The following ALDH1A3 variants were observed in gnomAD, a reference collection of about 807,000 sequenced individuals.
ALDH1A3 encodes aldehyde dehydrogenase 1 family member A3, also known as retinaldehyde dehydrogenase 3.
In ALDH1A3, 28 loss-of-function variants were observed where a neutral mutation model predicts 57.5. The observed-to-expected ratio is 0.49, with a 90% confidence interval of 0.36 to 0.67. The LOEUF is 0.67. Among genes scored for constraint, ALDH1A3 ranks in the 30% least tolerant of loss-of-function variants. The probability of loss-of-function intolerance (pLI) is 0.00; values close to 1 mark genes in which losing one functional copy is unlikely to be tolerated. For missense variants in ALDH1A3, 507 were observed against 669.4 expected (o/e 0.76, Z 2.68); for synonymous variants, 281 against 264.8 (o/e 1.06, Z -0.59).
Position 100,893,813 on chromosome 15 carries a change from C to T in ALDH1A3, c.538-141C>T. ...TGCTGTGCAGGATTGCAGTTCTGAT[C>T]ATTGCACACTCCTATGTTACCCCAC... On this transcript the variant is annotated intron_variant, in intron 5 of 12. Transcript: ENST00000329841. The surrounding 1 kb of genome is among the most constrained non-coding windows in gnomAD (Gnocchi z 4.8). 1.7e-6 allele frequency: 2 copies of T among 1,147,398 alleles called. No individual in the cohort carries two copies. The highest frequency in any genetic ancestry group is 4.8e-5 in the East Asian group (2 of 41,700). The allele number at this position is 1,147,398 out of a possible 1,614,324, so 71.1% of individuals were successfully genotyped here. A position where few individuals can be genotyped will look rare whatever the true frequency, so the allele number is the denominator to read the frequency against.
At chr15:100,896,574 A>T (rs2041706118) in intron 7 of ALDH1A3, among the ~76,000 whole-genome samples, 1 of 152,210 alleles carries the variant, frequency 6.6e-6, no homozygotes, top group African/African-American at 2.4e-5. Flanking sequence ...TAAGAACTGA[A>T]ATGATACTGC....
intron 9 of ALDH1A3, among the ~76,000 whole-genome samples, chr15:100,902,622 G>A (rs562014711): frequency 3.9e-5 from 6 of 152,338 alleles, no homozygotes; most frequent in African/African-American, 9.6e-5. Context: ...AGCGTCCTCC[G>A]GGCAGAGAGC....
At position 100,907,296 on chromosome 15, in the gene ALDH1A3, G is replaced by T; in HGVS notation, c.1391+18G>T. 1.2e-6 allele frequency: 2 copies of T among 1,608,074 alleles called. No homozygotes were observed. Among genetic ancestry groups the T allele is most frequent in the Non-Finnish European group, 1.7e-6 (2 of 1,177,636 alleles). On this transcript the variant is annotated intron_variant, in intron 11 of 12. Coordinates refer to ENST00000329841, the MANE Select transcript of ALDH1A3 (RefSeq NM_000693.4). ...ACGGTCTGGTGAGTTGACTGTGTGTGTATTTCAGCTCTCCTGAGTTGCTTC... is the reference window on the plus strand; with the variant it reads ...ACGGTCTGGTGAGTTGACTGTGTGTTTATTTCAGCTCTCCTGAGTTGCTTC...
chr15:100,912,280 C>A (rs1419434269), intron 12 of ALDH1A3, among the ~76,000 whole-genome samples: 1 of 152,208 alleles, frequency 6.6e-6, no homozygotes, highest in African/African-American at 2.4e-5. Flanking sequence ...GGTTACATTT[C>A]TTTAATCATG....
At chr15:100,899,992 A>G (rs75776746) in intron 8 of ALDH1A3, among the ~76,000 whole-genome samples, 195 of 152,308 alleles carry the variant, frequency 1.3e-3, no homozygotes, top group African/African-American at 4.4e-3. Flanking sequence ...TCCCAATACC[A>G]TTCTTATCCA....
At chr15:100,892,220 T>G (rs1212366607) in intron 3 of ALDH1A3, 1 of 370,230 alleles carries the variant, frequency 2.7e-6, no homozygotes, top group Non-Finnish European at 4.9e-6. Flanking sequence ...AGCACAGCTT[T>G]AAATCCGCCT....
intron 12 of ALDH1A3, chr15:100,913,599 A>G (rs546452878): frequency 6.6e-6 from 1 of 152,340 alleles, no homozygotes; most frequent in Non-Finnish European, 1.5e-5. Flanking sequence ...AAGTCAATTG[A>G]TTAGTAACTT....
rs2041681715 is a variant in ALDH1A3, at chr15:100,894,627, C to T, written c.666+545C>T. ...CCAGACATACCTTTAGTCATTCCAT[C>T]CCCAGGTTGTATGGAGCAAAGATTT... On this transcript the variant is annotated intron_variant, in intron 6 of 12. Coordinates refer to ENST00000329841, the MANE Select transcript of ALDH1A3 (RefSeq NM_000693.4). The surrounding 1 kb of genome is among the most constrained non-coding windows in gnomAD (Gnocchi z 4.5). 6.5e-6 allele frequency: 1 copy of T among 153,552 alleles called. No homozygotes were observed. The highest frequency in any genetic ancestry group is 2.4e-5 in the African/African-American group (1 of 41,432). 9.5% of individuals were successfully genotyped at this position (153,552 alleles called of 1,614,324 possible).
In ALDH1A3 at chr15:100,887,610, C is replaced by T; in HGVS notation, c.243C>T (p.Ala81=). 1 of 1,611,182 alleles carries T rather than the reference C, an allele frequency of 6.2e-7. No individual in the cohort carries two copies. Among genetic ancestry groups the T allele is most frequent in the Non-Finnish European group, 8.5e-7 (1 of 1,178,544 alleles). The change falls in exon 3 of 13, where the codon GCC becomes GCT. Residue 81 remains alanine, a synonymous_variant. Transcript: ENST00000329841. This position sits in a 1 kb window ranked among gnomAD's most constrained non-coding sequence, Gnocchi z 4.6. ...VDKAVEAAQV[A]FQRGSPWRRL... ...AGGCTGTGGAGGCTGCACAGGTTGCCTTCCAGAGGGGCTCGCCATGGCGCC... is the reference window on the plus strand; with the variant it reads ...AGGCTGTGGAGGCTGCACAGGTTGCTTTCCAGAGGGGCTCGCCATGGCGCC...
intron 12 of ALDH1A3, among the ~76,000 whole-genome samples, chr15:100,911,668 A>T (rs1054434605): frequency 6.6e-6 from 1 of 152,224 alleles, no homozygotes; most frequent in Non-Finnish European, 1.5e-5. Flanking sequence ...GGGCTCCTGG[A>T]TAGCTTTGAA....
At position 100,893,966 on chromosome 15, in the gene ALDH1A3, C is replaced by T. The variant is rs761732361; in HGVS notation, c.550C>T (p.Leu184=). The T allele has an allele frequency of 2.5e-6, 4 of 1,614,028 alleles. No homozygotes were observed. The highest frequency in any genetic ancestry group is 2.2e-5 in the East Asian group (1 of 44,898). The change falls in exon 6 of 13, where the codon CTG becomes TTG. Residue 184 remains leucine, a synonymous_variant. Transcript: ENST00000329841. This position sits in a 1 kb window ranked among gnomAD's most constrained non-coding sequence, Gnocchi z 4.8. ...CGAITPWNFP[L]LMLVWKLAPA... is the part of the protein sequence containing the mutation. Reference sequence around the variant, plus strand: ...TGCTCTGTCGCAGTGGAACTTCCCCCTGCTGATGCTGGTGTGGAAGCTGGC... The same window carrying T: ...TGCTCTGTCGCAGTGGAACTTCCCCTTGCTGATGCTGGTGTGGAAGCTGGC...
Position 100,887,736 on chromosome 15 carries a change from G to A in ALDH1A3, c.345+24G>A, listed in dbSNP as rs763438762. 1.0e-5 allele frequency: 16 copies of A among 1,560,980 alleles called. No homozygotes were observed. In the East Asian group the frequency reaches 1.4e-4, roughly 14 times the overall value. On this transcript the variant is annotated intron_variant, in intron 3 of 12. Transcript: ENST00000329841. The surrounding 1 kb of genome is among the most constrained non-coding windows in gnomAD (Gnocchi z 4.6). ...CCGTGAGTACATGCACTTGGGGGCC[G>A]GTGGGGGATGAGCCAGCCTCACTGA... is the stretch of plus-strand genomic sequence containing the variant.
intron 9 of ALDH1A3, among the ~76,000 whole-genome samples, chr15:100,902,067 A>C (rs1431565366): frequency 6.6e-6 from 1 of 152,242 alleles, no homozygotes; most frequent in South Asian, 2.1e-4. Context: ...TCATTATTGA[A>C]TCCGCCGTGA....
rs2041913028 is a variant in ALDH1A3 at position 100,914,688 on chromosome 15, T to C, written c.1467-13T>C. 6.2e-7 allele frequency: 1 copy of C among 1,613,466 alleles called. No homozygotes were observed. The highest frequency in any genetic ancestry group is 1.6e-4 in the Middle Eastern group (1 of 6,062). ...GTACCCATTTTGAATTTTCCTCTTTTCTGTGATCACAGAGGTGAATACGCT... is the reference window on the plus strand; with the variant it reads ...GTACCCATTTTGAATTTTCCTCTTTCCTGTGATCACAGAGGTGAATACGCT... On this transcript the variant is annotated splice_polypyrimidine_tract_variant and intron_variant, in intron 12 of 12. Transcript: ENST00000329841.
intron 1 of ALDH1A3, 44 bp from the exon 2 acceptor site, chr15:100,885,223 A>G (rs754218954): frequency 7.2e-7 from 1 of 1,389,548 alleles, no homozygotes; most frequent in Admixed American, 1.7e-5. Context: ...AAATTATATG[A>G]TTTTGATCTA....
intron 9 of ALDH1A3, among the ~76,000 whole-genome samples, chr15:100,905,022 G>A (rs2041809082): frequency 6.6e-6 from 1 of 152,164 alleles, no homozygotes; most frequent in African/African-American, 2.4e-5. Context: ...TGGCACCCAG[G>A]TAAACATGAA....
At chr15:100,900,408 C>G (rs558514976) in intron 8 of ALDH1A3, among the ~76,000 whole-genome samples, 167 bp from the exon 9 acceptor site, 1 of 152,200 alleles carries the variant, frequency 6.6e-6, no homozygotes, top group Non-Finnish European at 1.5e-5. Flanking sequence ...TTCTCCCTTC[C>G]TCTCTATTTG....
At chr15:100,900,320 T>C (rs949125830) in intron 8 of ALDH1A3, among the ~76,000 whole-genome samples, 1 of 152,212 alleles carries the variant, frequency 6.6e-6, no homozygotes, top group African/African-American at 2.4e-5. Context: ...TCTGGACTTA[T>C]TAGCATATTA....
intron 3 of ALDH1A3, chr15:100,888,973 A>G (rs2041622828): frequency 6.6e-6 from 1 of 152,176 alleles, no homozygotes; most frequent in Admixed American, 6.5e-5. Flanking sequence ...AGCATACCCC[A>G]TGAGGCTGAG....
Sources: allele counts gnomAD v4.1 joint callset (sites outside exome capture counted in the v4.1 genomes callset), GRCh38; gene constraint gnomAD v4.1.1; non-coding constraint Gnocchi (gnomAD v3.1); transcripts MANE v1.5; gene names NCBI Gene and HGNC (gene_info 2026-07-23, HGNC 2026-07-21).